The following PKD1 variants were observed in gnomAD, a reference collection of about 807,000 sequenced individuals.
PKD1 encodes the protein polycystin 1, transient receptor potential channel interacting.
A neutral mutation model predicts 361.7 loss-of-function variants in PKD1; 81 were observed. The observed-to-expected ratio is 0.22, with a 90% CI of 0.19 to 0.27. The LOEUF is 0.27. Among genes scored for constraint, PKD1 ranks in the 10% least tolerant of loss-of-function variants. The probability of loss-of-function intolerance (pLI) is 1.00; values close to 1 mark genes in which losing one functional copy is unlikely to be tolerated. For synonymous variants in PKD1, 3,615 were observed against 2,818.3 expected (o/e 1.28, Z -8.95); for missense variants, 6,399 against 6,118.3 (o/e 1.05, Z -1.53).
rs544942161 is a variant in PKD1 at position 2,129,088 on chromosome 16, C to CCTGA, written c.215+6383_215+6386dup. Among the ~76,000 whole-genome samples the CCTGA allele has an allele frequency of 9.9e-5, 15 of 152,042 alleles. No homozygotes were observed. The East Asian group carries it at 2.9e-3, about 29-fold the overall frequency. ...ATGTTGGTCAGGCTGGTCACAAACTCCTGACCTTGTGATCCCCCCACCTTG... is the reference window on the plus strand; with the variant it reads ...ATGTTGGTCAGGCTGGTCACAAACTCCTGACTGACCTTGTGATCCCCCCACCTTG... On this transcript the variant is annotated intron_variant, in intron 1 of 45. Transcript: ENST00000262304.
At chr16:2,096,090 C>T (rs182949363) in intron 34 of PKD1, among the ~76,000 whole-genome samples, 1 of 152,348 alleles carries the variant, frequency 6.6e-6, no homozygotes, top group East Asian at 1.9e-4. Context: ...ACAAATCAAA[C>T]TAGATGTGGA....
chr16:2,125,025 C>G (rs1470283119), intron 1 of PKD1, among the ~76,000 whole-genome samples: 3 of 152,210 alleles, frequency 2.0e-5, no homozygotes, highest in Non-Finnish European at 2.9e-5. Context: ...CTGGAGAGGA[C>G]AGGGGACAGG....
intron 24 of PKD1, 27 bp from the exon 25 acceptor site, chr16:2,102,660 G>A: frequency 6.2e-7 from 1 of 1,610,706 alleles, no homozygotes; most frequent in Non-Finnish European, 8.5e-7. Flanking sequence ...TAGCGGACGT[G>A]AGCCCAGGCT....
chr16:2,105,301 G>T, intron 21 of PKD1, 21 bp downstream of exon 21: 2 of 1,593,546 alleles, frequency 1.3e-6, no homozygotes, highest in South Asian at 2.2e-5. Context: ...GGGGCAGGGT[G>T]AGCAGGTGGG....
chr16:2,090,836 A>AGCCCTGGGGTGTGC, intron 43 of PKD1, 28 bp from the exon 44 acceptor site: 2 of 1,611,374 alleles, frequency 1.2e-6, no homozygotes, highest in Non-Finnish European at 1.7e-6. Context: ...GTCTGCTTGC[A>AGCCCTGGGGTGTGC]GCCCTGGGGT....
intron 34 of PKD1, chr16:2,094,936 C>A (rs1182538003): frequency 6.6e-6 from 1 of 152,436 alleles, no homozygotes; most frequent in Non-Finnish European, 1.5e-5. Flanking sequence ...GACCCAGGGT[C>A]ACACTGCACT....
chr16:2,097,042 C>T, intron 34 of PKD1, 106 bp downstream of exon 34: 1 of 760,028 alleles, frequency 1.3e-6, no homozygotes, highest in South Asian at 1.5e-5. Flanking sequence ...ACAGCCCTGC[C>T]CTGGCACCCC....
At chr16:2,132,044 A>G (rs2092888344) in intron 1 of PKD1, 1 of 152,120 alleles carries the variant, frequency 6.6e-6, no homozygotes, top group Non-Finnish European at 1.5e-5. Context: ...TGAGGTCAGG[A>G]GTTTGAGACC....
In PKD1 at chr16:2,108,411, G is replaced by T. The variant is rs1229135711; in HGVS notation, c.6756C>A (p.Ala2252=). Residue 2252 remains alanine, a synonymous_variant, in exon 15 of 46, where the codon GCC becomes GCA. Coordinates refer to ENST00000262304, the MANE Select transcript of PKD1 (RefSeq NM_001009944.3). ...CAATGATGGGCACCAGGCGCTCGGG[G>T]GCCACCGTCACATTGGCCTGGATGC... is the stretch of plus-strand genomic sequence containing the variant. ...TQSIQANVTV[A]PERLVPIIEG... is the part of the protein sequence containing the mutation. The T allele has an allele frequency of 6.2e-7, 1 of 1,610,544 alleles. No homozygotes were observed. The highest frequency in any genetic ancestry group is 2.2e-5 in the East Asian group (1 of 44,864).
Position 2,092,530 on chromosome 16 carries a change from G to C in PKD1, c.11219C>G (p.Ser3740Cys), listed in dbSNP as rs1419080975. 33 of 1,612,642 alleles carry C rather than the reference G, an allele frequency of 2.0e-5. No homozygotes were observed. The highest frequency in any genetic ancestry group is 2.7e-5 in the Non-Finnish European group (32 of 1,179,880). ...CCGTGGGGGCCCCAGCTCTGGGCTG[G>C]ACTGGTTCCCGTGGACGTAGGGCAG... ...VLLPYVHGNQ[S>C]SPELGPPRLR... The change falls in exon 39 of 46, where the codon TCC (serine) becomes TGC (cysteine). Residue 3740 changes from serine to cysteine, a missense_variant. Physicochemically the swap from Ser to Cys is moderately radical, Grantham distance 112. Transcript: ENST00000262304.
rs748648523 is a variant in PKD1, at chr16:2,108,300, G to C, written c.6867C>G (p.Gly2289=). The C allele has an allele frequency of 1.2e-6, 2 of 1,601,646 alleles. No homozygotes were observed. The highest frequency in any genetic ancestry group is 1.7e-6 in the Non-Finnish European group (2 of 1,172,932). Residue 2289 remains glycine (G), a synonymous_variant, in exon 15 of 46, where the codon GGC becomes GGG. Transcript: ENST00000262304. ...AGTGGAAACTGAGCGGCGTCTGGTC[G>C]CCGTCCTCCAGGTTGGGGTCGTAGG... The part of the protein sequence containing the change: ...SESYDPNLED[G]DQTPLSFHWA...
chr16:2,125,139 AGGCGGCTTCCAG>A (rs1448932641), intron 1 of PKD1, among the ~76,000 whole-genome samples: 1 of 152,188 alleles, frequency 6.6e-6, no homozygotes, highest in Non-Finnish European at 1.5e-5. Flanking sequence ...AAGGAGAGTG[AGGCGGCTTCCAG>A]GGCCGGAAAT....
intron 1 of PKD1, chr16:2,120,258 C>G (rs1005634198): frequency 3.0e-4 from 57 of 190,256 alleles, no homozygotes; most frequent in Non-Finnish European, 1.5e-4. Context: ...ACATCAAAGA[C>G]CAGCCGACCT....
In PKD1 at chr16:2,102,542, G is replaced by C. The variant is rs763348244; in HGVS notation, c.9040C>G (p.Leu3014Val). 2.5e-6 allele frequency: 4 copies of C among 1,610,310 alleles called. No individual in the cohort carries two copies. Among genetic ancestry groups the C allele is most frequent in the African/African-American group, 1.3e-5 (1 of 74,964 alleles). ...TCCTCCTCGCTGAAGTACTGGCACA[G>C]GGACGTGTACAGGCCCACGGACACC... ...LQVSVGLYTS[L>V]CQYFSEEDMV... The change falls in exon 25 of 46, where the codon CTG becomes GTG. Residue 3014 changes from leucine (L) to valine (V), a missense_variant. By Grantham distance (32) the Leu-to-Val change is conservative. Coordinates refer to ENST00000262304, the MANE Select transcript of PKD1 (RefSeq NM_001009944.3).
chr16:2,093,670 C>G lies in PKD1; in HGVS notation c.10890G>C (p.Leu3630=). The G allele has an allele frequency of 6.2e-7, 1 of 1,607,104 alleles. No homozygotes were observed. The highest frequency in any genetic ancestry group is 8.5e-7 in the Non-Finnish European group (1 of 1,177,062). The change falls in exon 37 of 46, where the codon CTG becomes CTC. Residue 3630 remains leucine (L), a synonymous_variant. Transcript: ENST00000262304. The part of the protein sequence containing the change: ...KRLHPDEDDT[L]VESPAVTPVS... Reference sequence around the variant, plus strand: ...CAGGCGTCACAGCCGGGCTCTCTACCAGGGTGTCATCTTCATCCGGGTGCA... The same window carrying G: ...CAGGCGTCACAGCCGGGCTCTCTACGAGGGTGTCATCTTCATCCGGGTGCA...
In PKD1 at chr16:2,097,837, C is replaced by A. The variant is rs1201918001; in HGVS notation, c.10167+31G>T. 7 of 1,609,058 alleles carry A rather than the reference C, an allele frequency of 4.4e-6. No homozygotes were observed. In the African/African-American group the frequency reaches 5.3e-5, roughly 12 times the overall value. On this transcript the variant is annotated intron_variant, in intron 31 of 45. Coordinates refer to ENST00000262304, the MANE Select transcript of PKD1 (RefSeq NM_001009944.3). ...TGCGCCAAGGCGGCAGGACCCCCAG[C>A]CCAGCCCAGGACCCCCAGTAGAGTC...
rs765489489 is a variant in PKD1, at chr16:2,110,718, C to G, written c.4449G>C (p.Gln1483His). The G allele has an allele frequency of 6.2e-7, 1 of 1,610,244 alleles. No individual in the cohort carries two copies. The highest frequency in any genetic ancestry group is 1.3e-5 in the African/African-American group (1 of 74,864). ...GGCCCACAGCAGAGAACAGGTACGG[C>G]TGCTGCAGCTCCAGCCCAAGGGAGC... is the stretch of plus-strand genomic sequence containing the variant. ...VNGSLGLELQQPYLFSAVGRG... is the reference protein window; with the variant it reads ...VNGSLGLELQHPYLFSAVGRG... The change falls in exon 15 of 46, where the codon CAG becomes CAC. Residue 1483 changes from glutamine (Q) to histidine (H), a missense_variant. Transcript: ENST00000262304.
At chr16:2,099,803 G>C (rs1320618268) in intron 29 of PKD1, 33 bp from the exon 30 acceptor site, 18 of 1,554,054 alleles carry the variant, frequency 1.2e-5, no homozygotes, top group Non-Finnish European at 1.6e-5. Context: ...CACAGGTGAG[G>C]CTGAGGGGCA....
In PKD1 at chr16:2,100,417, G is replaced by A. The variant is rs1485297878; in HGVS notation, c.9547C>T (p.Arg3183Ter). ...AAACCTTTGTTGTCGTGCCACACTCGGATCTTCCACACGCTACCCAGGCTG... is the reference window on the plus strand; with the variant it reads ...AAACCTTTGTTGTCGTGCCACACTCAGATCTTCCACACGCTACCCAGGCTG... ...PHSLGSVWKI[R>*]VWHDNKGLSP... The change falls in exon 27 of 46, where the codon CGA becomes TGA. Residue 3183 changes from arginine (R) to a stop codon, truncating the protein, a stop_gained. Coordinates refer to ENST00000262304, the MANE Select transcript of PKD1 (RefSeq NM_001009944.3). LOFTEE classifies it high-confidence loss of function. This position sits in a 1 kb window ranked among gnomAD's most constrained non-coding sequence, Gnocchi z 4.4. 1 of 1,611,244 alleles carries A rather than the reference G, an allele frequency of 6.2e-7. No homozygotes were observed.
Sources: gnomAD v4.1 joint callset for allele counts (sites outside exome capture counted in the v4.1 genomes callset) on GRCh38, gnomAD v4.1.1 for gene constraint, Gnocchi (gnomAD v3.1) non-coding constraint, MANE v1.5 for transcripts, NCBI Gene and HGNC (gene_info 2026-07-23, HGNC 2026-07-21) for gene names.